UPF1: variants seen among roughly 807,000 people sequenced by gnomAD.
The protein encoded by UPF1 is UPF1 RNA helicase and ATPase.
In UPF1, 9 loss-of-function variants were observed where a neutral mutation model predicts 129.2. The ratio of observed to expected loss-of-function variants is 0.07; its 90% CI spans 0.04 to 0.12. The LOEUF is 0.12. Among genes scored for constraint, UPF1 ranks in the 10% least tolerant of loss-of-function variants. The pLI is 1.00. For synonymous variants in UPF1, 649 were observed against 644.9 expected (o/e 1.01, Z -0.10); for missense variants, 788 against 1,525.3 (o/e 0.52, Z 8.05).
chr19:18,855,763 G>C (rs2055710302), intron 11 of UPF1, 162 bp from the exon 12 acceptor site: 1 of 992,230 alleles, frequency 1.0e-6, no homozygotes, highest in African/African-American at 1.6e-5. Flanking sequence ...TGGGAGGATT[G>C]CTTGAGCCCA....
Position 18,851,295 on chromosome 19 carries a change from C to T in UPF1, c.810+427C>T, listed in dbSNP as rs1473214981. ...AGACAGAGGGGAGAGGAGAGGGTGC[C>T]GGGTCAAGTAGTGGGTGCCTGGCCC... On this transcript the variant is annotated intron_variant, in intron 5 of 23. Transcript: ENST00000262803. This position sits in a 1 kb window ranked among gnomAD's most constrained non-coding sequence, Gnocchi z 4.2. Among the ~76,000 whole-genome samples, 3 of 152,138 alleles carry T rather than the reference C, an allele frequency of 2.0e-5. No individual in the cohort carries two copies. The highest frequency in any genetic ancestry group is 2.9e-5 in the Non-Finnish European group (2 of 68,014).
chr19:18,839,120 C>G (rs1388252431), intron 1 of UPF1, among the ~76,000 whole-genome samples: 1 of 152,118 alleles, frequency 6.6e-6, no homozygotes, highest in East Asian at 1.9e-4. Context: ...TAGACGGAGT[C>G]TCGCACTGTC....
chr19:18,850,891 C>T lies in UPF1; in HGVS notation c.810+23C>T. On this transcript the variant is annotated intron_variant, in intron 5 of 23. Coordinates refer to ENST00000262803, the MANE Select transcript of UPF1 (RefSeq NM_002911.4). This position sits in a 1 kb window ranked among gnomAD's most constrained non-coding sequence, Gnocchi z 7.1. ...AAGGTGGGGCTGCCCAGCGGGCCGACCCGTGCCTTCGTGTGGTTTCTGGTT... is the reference window on the plus strand; with the variant it reads ...AAGGTGGGGCTGCCCAGCGGGCCGATCCGTGCCTTCGTGTGGTTTCTGGTT... 2 of 1,526,900 alleles carry T rather than the reference C, an allele frequency of 1.3e-6. No homozygotes were observed. The highest frequency in any genetic ancestry group is 1.8e-6 in the Non-Finnish European group (2 of 1,132,962). 94.6% of individuals were successfully genotyped at this position (1,526,900 alleles called of 1,614,324 possible). A position where few individuals can be genotyped will look rare whatever the true frequency, so the allele number is the denominator to read the frequency against.
At chr19:18,866,221 GA>G in intron 23 of UPF1, 55 bp downstream of exon 23, 3 of 1,504,812 alleles carry the variant, frequency 2.0e-6, no homozygotes, top group South Asian at 2.6e-5. Context: ...AGAAGGATGG[GA>G]GGGGGCTCTC....
intron 1 of UPF1, among the ~76,000 whole-genome samples, chr19:18,844,151 C>T (rs962717547): frequency 4.6e-5 from 7 of 151,996 alleles, no homozygotes; most frequent in Non-Finnish European, 7.4e-5. Context: ...TGGTTTTAGT[C>T]GTAGCTAGGT....
At chr19:18,849,754 A>G (rs2055638407) in intron 3 of UPF1, 2 of 323,954 alleles carry the variant, frequency 6.2e-6, no homozygotes, top group South Asian at 5.4e-5. Flanking sequence ...CTGACCCCAC[A>G]GCAGCCCTGG....
intron 6 of UPF1, among the ~76,000 whole-genome samples, chr19:18,852,616 C>T (rs959388447): frequency 1.2e-4 from 18 of 151,920 alleles, no homozygotes; most frequent in Admixed American, 2.0e-4. Context: ...CAACGGGAGC[C>T]CTGGAGCGCT....
intron 18 of UPF1, 34 bp downstream of exon 18, chr19:18,862,186 G>C: frequency 6.2e-7 from 1 of 1,606,168 alleles, no homozygotes; most frequent in South Asian, 1.1e-5. Context: ...CTGCCCAGCC[G>C]CTCATCGGTC....
At chr19:18,857,285 A>C in intron 14 of UPF1, 35 bp from the exon 15 acceptor site, 1 of 1,589,428 alleles carries the variant, frequency 6.3e-7, no homozygotes, top group South Asian at 1.1e-5. Context: ...TTCACACCTG[A>C]GCTTCTTGAC....
chr19:18,863,736 G>T, intron 19 of UPF1, 124 bp downstream of exon 19: 1 of 1,331,194 alleles, frequency 7.5e-7, no homozygotes. Context: ...GGGAGGGTGG[G>T]CTCTCCTAGG....
At chr19:18,846,173 G>A in intron 2 of UPF1, 54 bp downstream of exon 2, 2 of 1,605,770 alleles carry the variant, frequency 1.2e-6, no homozygotes, top group African/African-American at 1.3e-5. Flanking sequence ...GGTGCCTCTG[G>A]CATGGGCCTG....
Position 18,860,945 on chromosome 19 carries a change from T to C in UPF1, c.2420T>C (p.Met807Thr). 1 of 1,590,540 alleles carries C rather than the reference T, an allele frequency of 6.3e-7. No homozygotes were observed. Among genetic ancestry groups the C allele is most frequent in the Non-Finnish European group, 8.6e-7 (1 of 1,169,116 alleles). The change falls in exon 17 of 24, where the codon ATG (methionine) becomes ACG (threonine). Residue 807 changes from methionine (M) to threonine (T), a missense_variant. By Grantham distance (81) the Met-to-Thr change is moderately conservative. Coordinates refer to ENST00000262803, the MANE Select transcript of UPF1 (RefSeq NM_002911.4). ...CAGCGCTCCTACCTGGTGCAGTACA[T>C]GCAGTTCAGCGGCTCCCTGCACACC... ...EGQRSYLVQY[M>T]QFSGSLHTKL...
At chr19:18,837,475 T>TGACA (rs1448185080) in intron 1 of UPF1, among the ~76,000 whole-genome samples, 1 of 152,230 alleles carries the variant, frequency 6.6e-6, no homozygotes, top group East Asian at 1.9e-4. Context: ...CGCCAAATGC[T>TGACA]GACAGCATCT....
intron 15 of UPF1, chr19:18,859,934 A>T: frequency 5.8e-6 from 1 of 172,784 alleles, no homozygotes; most frequent in East Asian, 1.7e-4. Context: ...CTGTTGGCTC[A>T]ACAGTGTCAC....
chr19:18,834,814 C>T (rs1372950599), intron 1 of UPF1, among the ~76,000 whole-genome samples: 1 of 152,110 alleles, frequency 6.6e-6, no homozygotes, highest in African/African-American at 2.4e-5. Context: ...AGGAGTTGGC[C>T]GTGTAACCAG....
In UPF1 at chr19:18,846,267, A is replaced by G. The variant is rs562734932; in HGVS notation, c.371+148A>G. Reference sequence around the variant, plus strand: ...GTCCTCGGGAGTAAGGAAATTGCTCAGGCCATGTGCACAGCCAAGGCCTGT... The same window carrying G: ...GTCCTCGGGAGTAAGGAAATTGCTCGGGCCATGTGCACAGCCAAGGCCTGT... On this transcript the variant is annotated intron_variant, in intron 2 of 23. Transcript: ENST00000262803. 1.9e-4 allele frequency: 243 copies of G among 1,247,522 alleles called. No homozygotes were observed. The African/African-American group carries it at 3.5e-3, about 18-fold the overall frequency. The allele number at this position is 1,247,522 out of a possible 1,614,324, so 77.3% of individuals were successfully genotyped here. A position where few individuals can be genotyped will look rare whatever the true frequency, so the allele number is the denominator to read the frequency against.
At chr19:18,837,067 A>G (rs1228111531) in intron 1 of UPF1, among the ~76,000 whole-genome samples, 1 of 151,854 alleles carries the variant, frequency 6.6e-6, no homozygotes, top group African/African-American at 2.4e-5. Flanking sequence ...TACTTTTTTT[A>G]AAAGGCTGAA....
Position 18,850,803 on chromosome 19 carries a change from C to G in UPF1, c.745C>G (p.Gln249Glu). Residue 249 changes from glutamine to glutamate, a missense_variant, in exon 5 of 24, where the codon CAG becomes GAG. Transcript: ENST00000262803. This position sits in a 1 kb window ranked among gnomAD's most constrained non-coding sequence, Gnocchi z 7.1. ...LSWLVKIPSE[Q>E]EQLRARQITA... ...CTGGCTGGTCAAGATCCCCTCCGAGCAGGAGCAGCTGCGGGCACGCCAGAT... is the reference window on the plus strand; with the variant it reads ...CTGGCTGGTCAAGATCCCCTCCGAGGAGGAGCAGCTGCGGGCACGCCAGAT... The G allele has an allele frequency of 6.2e-7, 1 of 1,610,380 alleles. No individual in the cohort carries two copies. Among genetic ancestry groups the G allele is most frequent in the South Asian group, 1.1e-5 (1 of 90,428 alleles).
In UPF1 at chr19:18,850,997, C is replaced by T; in HGVS notation, c.810+129C>T. ...CTCTGAAAGGAATTCAGGCAGACCT[C>T]TGCCACCTCTACGTGGAATGACCTC... On this transcript the variant is annotated intron_variant, in intron 5 of 23. Transcript: ENST00000262803. This position sits in a 1 kb window ranked among gnomAD's most constrained non-coding sequence, Gnocchi z 7.1. 1 of 1,203,860 alleles carries T rather than the reference C, an allele frequency of 8.3e-7. No homozygotes were observed. Among genetic ancestry groups the T allele is most frequent in the Non-Finnish European group, 1.1e-6 (1 of 899,846 alleles). 74.6% of individuals were successfully genotyped at this position (1,203,860 alleles called of 1,614,324 possible). A position where few individuals can be genotyped will look rare whatever the true frequency, so the allele number is the denominator to read the frequency against.
Sources: gnomAD v4.1 joint callset for allele counts (sites outside exome capture counted in the v4.1 genomes callset) on GRCh38, gnomAD v4.1.1 for gene constraint, Gnocchi (gnomAD v3.1) non-coding constraint, MANE v1.5 for transcripts, NCBI Gene and HGNC (gene_info 2026-07-23, HGNC 2026-07-21) for gene names.